Variants in DCAF11 observed in about 807,000 individuals in gnomAD.
DCAF11 encodes the protein DDB1 and CUL4 associated factor 11, also known as DDB1- and CUL4-associated factor 11.
A neutral mutation model predicts 76.1 loss-of-function variants in DCAF11; 44 were observed. The observed-to-expected ratio is 0.58, with a 90% CI of 0.45 to 0.74. DCAF11 has a LOEUF of 0.74. Among genes scored for constraint, DCAF11 ranks in the 30% least tolerant of loss-of-function variants. The pLI is 0.00. For missense variants in DCAF11, 604 were observed against 709.4 expected (o/e 0.85, Z 1.69); for synonymous variants, 258 against 255.0 (o/e 1.01, Z -0.11).
rs200456732 is a variant in DCAF11 at position 24,123,258 on chromosome 14, C to T, written c.1590C>T (p.Ser530=). The part of the protein sequence containing the change: ...DDMPESEECA[S]APAPVPQSST... ...TGCCAGAATCTGAGGAATGTGCCAG[C>T]GCCCCTGCCCCAGTGCCCCAATCCT... is the stretch of plus-strand genomic sequence containing the variant. Residue 530 remains serine, a synonymous_variant, in exon 15 of 15, where the codon AGC becomes AGT. Transcript: ENST00000446197. 18 of 1,561,968 alleles carry T rather than the reference C, an allele frequency of 1.2e-5. No homozygotes were observed. The highest frequency in any genetic ancestry group is 1.6e-5 in the Non-Finnish European group (18 of 1,152,626).
chr14:24,116,944 A>T lies in DCAF11; in HGVS notation c.183A>T (p.Gly61=). The T allele has an allele frequency of 6.2e-7, 1 of 1,614,132 alleles. No individual in the cohort carries two copies. The highest frequency in any genetic ancestry group is 8.5e-7 in the Non-Finnish European group (1 of 1,180,012). The change falls in exon 3 of 15, where the codon GGA becomes GGT. Residue 61 remains glycine, a synonymous_variant. Transcript: ENST00000446197. ...RRGQVRLVQG[G]GAANLQFIQA... is the part of the protein sequence containing the mutation. The stretch of plus-strand genomic sequence containing the variant: ...GCCAAGTGAGGTTGGTGCAGGGAGG[A>T]GGTGCAGCAAATTTACAATTCATTC...
rs2037538543 is a variant in DCAF11 at position 24,115,741 on chromosome 14, C to G, written c.147C>G (p.Leu49=). 1.2e-6 allele frequency: 2 copies of G among 1,612,400 alleles called. No homozygotes were observed. Among genetic ancestry groups the G allele is most frequent in the Admixed American group, 3.3e-5 (2 of 59,768 alleles). ...DVDLAQVLAY[L]LRRGQVRLVQ... is the part of the protein sequence containing the mutation. ...ATCTGGCCCAGGTACTGGCCTATCT[C>G]CTCCGCAGGTAACTTACCCTCTGGT... Residue 49 remains leucine, a synonymous_variant, in exon 2 of 15, where the codon CTC becomes CTG. Coordinates refer to ENST00000446197, the MANE Select transcript of DCAF11 (RefSeq NM_025230.5).
In DCAF11 at chr14:24,115,657, C is replaced by G. The variant is rs1419322741; in HGVS notation, c.63C>G (p.Pro21=). The G allele has an allele frequency of 1.9e-6, 3 of 1,613,988 alleles. No homozygotes were observed. The African/African-American group carries it at 4.0e-5, about 22-fold the overall frequency. Residue 21 remains proline, a synonymous_variant, in exon 2 of 15, where the codon CCC becomes CCG. Coordinates refer to ENST00000446197, the MANE Select transcript of DCAF11 (RefSeq NM_025230.5). ...CCGGAGACCCCTCCGAGGGCTTGCC[C>G]CGAAGAGGGGCTGGCCTGCGTCGGA... The part of the protein sequence containing the change: ...SGSGDPSEGL[P]RRGAGLRRSE...
Position 24,123,368 on chromosome 14 carries a change from C to T in DCAF11, c.*59C>T, listed in dbSNP as rs1173887519. Reference sequence around the variant, plus strand: ...TTGATAAGCTCTCTGCCTCCTCCTCCCTTTCTCCCTTGTGGGGAATGTTTG... The same window carrying T: ...TTGATAAGCTCTCTGCCTCCTCCTCTCTTTCTCCCTTGTGGGGAATGTTTG... On this transcript the variant is annotated 3_prime_UTR_variant, in exon 15 of 15. Coordinates refer to ENST00000446197, the MANE Select transcript of DCAF11 (RefSeq NM_025230.5). 6.0e-6 allele frequency: 9 copies of T among 1,498,734 alleles called. No homozygotes were observed. The highest frequency in any genetic ancestry group is 1.4e-5 in the African/African-American group (1 of 71,310). 92.8% of individuals were successfully genotyped at this position (1,498,734 alleles called of 1,614,324 possible).
intron 13 of DCAF11, 192 bp downstream of exon 13, chr14:24,121,709 A>G: frequency 6.2e-6 from 4 of 644,322 alleles, no homozygotes; most frequent in South Asian, 2.3e-5. Context: ...GAAAAGGAAC[A>G]TAGAATTCTA....
intron 9 of DCAF11, 140 bp from the exon 10 acceptor site, chr14:24,119,419 A>C: frequency 8.0e-7 from 1 of 1,253,194 alleles, no homozygotes; most frequent in Non-Finnish European, 1.1e-6. Context: ...AACACAGCTA[A>C]CTCTTCCCCC....
Position 24,123,058 on chromosome 14 carries a change from A to G in DCAF11, c.1487A>G (p.Glu496Gly). The G allele has an allele frequency of 6.2e-7, 1 of 1,614,174 alleles. No homozygotes were observed. Among genetic ancestry groups the G allele is most frequent in the Non-Finnish European group, 8.5e-7 (1 of 1,180,036 alleles). ...GACGTCAGTTGGCACCCCTTTGAAGAGAAGATTGTCAGCAGTTCGGTGAGG... is the reference window on the plus strand; with the variant it reads ...GACGTCAGTTGGCACCCCTTTGAAGGGAAGATTGTCAGCAGTTCGGTGAGG... ...VRDVSWHPFE[E>G]KIVSSSWDGN... The change falls in exon 14 of 15, where the codon GAG (glutamate) becomes GGG (glycine). Residue 496 changes from glutamate to glycine, a missense_variant. Coordinates refer to ENST00000446197, the MANE Select transcript of DCAF11 (RefSeq NM_025230.5).
chr14:24,118,021 A>G, intron 5 of DCAF11, 34 bp from the exon 6 acceptor site: 1 of 1,342,530 alleles, frequency 7.4e-7, no homozygotes, highest in Non-Finnish European at 1.1e-6. Context: ...TATCCTGAGC[A>G]CCCCTCACCC....
Position 24,114,818 on chromosome 14 carries a change from C to G in DCAF11, c.-689C>G, listed in dbSNP as rs2037501673. 1 of 985,960 alleles carries G rather than the reference C, an allele frequency of 1.0e-6. No homozygotes were observed. Among genetic ancestry groups the G allele is most frequent in the African/African-American group, 1.7e-5 (1 of 57,378 alleles). 61.1% of individuals were successfully genotyped at this position (985,960 alleles called of 1,614,324 possible). A position where few individuals can be genotyped will look rare whatever the true frequency, so the allele number is the denominator to read the frequency against. ...CCGCCGGCCAGGAAGCCGCGAGATG[C>G]GTGACGAGCGAAGCGCGTGACGGAG... On this transcript the variant is annotated 5_prime_UTR_variant, in exon 1 of 15. Coordinates refer to ENST00000446197, the MANE Select transcript of DCAF11 (RefSeq NM_025230.5).
intron 11 of DCAF11, 79 bp from the exon 12 acceptor site, chr14:24,120,759 A>G (rs1566593548): frequency 1.3e-6 from 2 of 1,554,604 alleles, no homozygotes; most frequent in Admixed American, 3.6e-5. Flanking sequence ...CTTCTGCTCA[A>G]CTAGAGAACG....
At position 24,117,282 on chromosome 14, in the gene DCAF11, C is replaced by T; in HGVS notation, c.300C>T (p.Asp100=). Residue 100 remains aspartate (D), a synonymous_variant, in exon 4 of 15, where the codon GAC becomes GAT. Transcript: ENST00000446197. This position sits in a 1 kb window ranked among gnomAD's most constrained non-coding sequence, Gnocchi z 4.3. ...RYNPPVDATP[D]TRELEFNEIK... is the part of the protein sequence containing the mutation. The stretch of plus-strand genomic sequence containing the variant: ...TACTCACAGTGGATGCTACCCCTGA[C>T]ACCCGGGAGCTGGAATTCAATGAGA... 3 of 1,614,236 alleles carry T rather than the reference C, an allele frequency of 1.9e-6. No individual in the cohort carries two copies. In the South Asian group the frequency reaches 3.3e-5, roughly 18 times the overall value.
chr14:24,118,760 C>T lies in DCAF11; in HGVS notation c.735C>T (p.Cys245=), dbSNP rs1170438813. The T allele has an allele frequency of 8.1e-6, 13 of 1,613,966 alleles. No individual in the cohort carries two copies. The highest frequency in any genetic ancestry group is 1.1e-5 in the Non-Finnish European group (13 of 1,180,008). ...YSSWSDYIHI[C]NIYGEGDTHT... is the part of the protein sequence containing the mutation. ...TCTTGCTTCTCTTAGTTCATATCTG[C>T]AATATCTATGGTGAGGGAGATACAC... Residue 245 remains cysteine, a synonymous_variant, in exon 8 of 15, where the codon TGC becomes TGT. Coordinates refer to ENST00000446197, the MANE Select transcript of DCAF11 (RefSeq NM_025230.5).
chr14:24,118,329 A>G, intron 6 of DCAF11, 59 bp from the exon 7 acceptor site: 1 of 1,609,246 alleles, frequency 6.2e-7, no homozygotes, highest in African/African-American at 1.3e-5. Flanking sequence ...GGAGATGTCT[A>G]ATCTAGAAAA....
rs761257648 is a variant in DCAF11, at chr14:24,115,567, C to T, written c.-28C>T. ...GGAGGTGACAGGAGGAGCCCCCGCA[C>T]AGGACCTAAGAATGCTGTGACCAGA... On this transcript the variant is annotated 5_prime_UTR_variant, in exon 2 of 15. Coordinates refer to ENST00000446197, the MANE Select transcript of DCAF11 (RefSeq NM_025230.5). 1 of 1,592,902 alleles carries T rather than the reference C, an allele frequency of 6.3e-7. No individual in the cohort carries two copies. Among genetic ancestry groups the T allele is most frequent in the African/African-American group, 1.3e-5 (1 of 74,174 alleles).
At chr14:24,120,769 G>C in intron 11 of DCAF11, 69 bp from the exon 12 acceptor site, 2 of 1,575,236 alleles carry the variant, frequency 1.3e-6, no homozygotes, top group South Asian at 2.3e-5. Flanking sequence ...ACTAGAGAAC[G>C]GGAACTAGAC....
Position 24,121,109 on chromosome 14 carries a change from T to C in DCAF11, c.1246+118T>C, listed in dbSNP as rs2037682788. 2.8e-6 allele frequency: 4 copies of C among 1,418,998 alleles called. No homozygotes were observed. The South Asian group carries it at 5.6e-5, about 20-fold the overall frequency. 87.9% of individuals were successfully genotyped at this position (1,418,998 alleles called of 1,614,324 possible). A position where few individuals can be genotyped will look rare whatever the true frequency, so the allele number is the denominator to read the frequency against. ...TTTATTTGCTAAATCATGGATGGAATGGCCAGAGGTTCCTAGGATTGGGGC... is the reference window on the plus strand; with the variant it reads ...TTTATTTGCTAAATCATGGATGGAACGGCCAGAGGTTCCTAGGATTGGGGC... On this transcript the variant is annotated intron_variant, in intron 12 of 14. Transcript: ENST00000446197.
In DCAF11 at chr14:24,123,291, C is replaced by T. The variant is rs1386015947; in HGVS notation, c.1623C>T (p.Pro541=). The part of the protein sequence containing the change: ...APAPVPQSST[P]FSSPQ ...CCCCAGTGCCCCAATCCTCTACACC[C>T]TTTTCCTCACCCCAGTAGATCCAAC... is the stretch of plus-strand genomic sequence containing the variant. The change falls in exon 15 of 15, where the codon CCC becomes CCT. Residue 541 remains proline (P), a synonymous_variant. Transcript: ENST00000446197. The T allele has an allele frequency of 3.3e-6, 5 of 1,537,228 alleles. No individual in the cohort carries two copies. The highest frequency in any genetic ancestry group is 1.3e-5 in the South Asian group (1 of 78,408).
chr14:24,119,460 AC>A, intron 9 of DCAF11, 98 bp from the exon 10 acceptor site: 1 of 1,474,058 alleles, frequency 6.8e-7, no homozygotes, highest in Admixed American at 1.7e-5. Context: ...AAAGGGCTTG[AC>A]CCAGAGCAGG....
intron 12 of DCAF11, 108 bp downstream of exon 12, chr14:24,121,099 A>C: frequency 1.4e-6 from 2 of 1,451,266 alleles, no homozygotes; most frequent in Non-Finnish European, 1.9e-6. Flanking sequence ...TTGCTAAATC[A>C]TGGATGGAAT....
Sources: gnomAD v4.1 joint callset for allele counts on GRCh38, gnomAD v4.1.1 for gene constraint, Gnocchi (gnomAD v3.1) non-coding constraint, MANE v1.5 for transcripts, NCBI Gene and HGNC (gene_info 2026-07-23, HGNC 2026-07-21) for gene names.